MAPKAP1: variants seen among roughly 807,000 people sequenced by gnomAD.
The protein encoded by MAPKAP1 is MAPK associated protein 1, also known as target of rapamycin complex 2 subunit MAPKAP1.
In MAPKAP1, 20 loss-of-function variants were observed where a neutral mutation model predicts 65.7. That is an observed-to-expected ratio of 0.30 (90% CI 0.21 to 0.44). MAPKAP1 has a LOEUF of 0.44. Among genes scored for constraint, MAPKAP1 ranks in the 20% least tolerant of loss-of-function variants. The pLI is 1.00. For missense variants in MAPKAP1, 423 were observed against 648.0 expected (o/e 0.65, Z 3.77); for synonymous variants, 222 against 244.3 (o/e 0.91, Z 0.85).
intron 4 of MAPKAP1, among the ~76,000 whole-genome samples, chr9:125,609,364 A>G (rs1482392441): frequency 1.3e-5 from 2 of 152,224 alleles, no homozygotes; most frequent in Non-Finnish European, 2.9e-5. Context: ...CTAAATGAAC[A>G]GGACATATAC....
intron 4 of MAPKAP1, among the ~76,000 whole-genome samples, chr9:125,640,694 G>C (rs1209519414): frequency 6.6e-6 from 1 of 152,174 alleles, no homozygotes. Context: ...TTTAGCCTCA[G>C]AAAGGTAAGA....
intron 10 of MAPKAP1, among the ~76,000 whole-genome samples, chr9:125,457,479 A>G (rs1233809714): frequency 6.6e-6 from 1 of 151,780 alleles, no homozygotes; most frequent in Non-Finnish European, 1.5e-5. Context: ...TATTTTATTG[A>G]TTGATTGTTT....
At chr9:125,698,309 ATATAT>A (rs1426405163) in intron 1 of MAPKAP1, among the ~76,000 whole-genome samples, 17,639 of 77,174 alleles carry the variant, frequency 0.23, 2,191 homozygotes, top group Middle Eastern at 0.31. Flanking sequence ...ATATATATAT[ATATAT>A]ATATATATAT....
In MAPKAP1 at chr9:125,468,057, G is replaced by A; in HGVS notation, c.1260C>T (p.Ser420=). 6.2e-7 allele frequency: 1 copy of A among 1,614,170 alleles called. No homozygotes were observed. Residue 420 remains serine, a synonymous_variant, in exon 10 of 12, where the codon AGC becomes AGT. Coordinates refer to ENST00000265960, the MANE Select transcript of MAPKAP1 (RefSeq NM_001006617.3). ...GTTTCTGCTTAATCCAAAACTTAGTGCTGGCTTTCTGATTCGTAACAGGGT... is the reference window on the plus strand; with the variant it reads ...GTTTCTGCTTAATCCAAAACTTAGTACTGGCTTTCTGATTCGTAACAGGGT... ...EIDPVTNQKA[S]TKFWIKQKPI...
chr9:125,623,081 G>A (rs1184798390), intron 4 of MAPKAP1, among the ~76,000 whole-genome samples: 1 of 150,466 alleles, frequency 6.6e-6, no homozygotes, highest in Non-Finnish European at 1.5e-5. Context: ...TGCAGACGGA[G>A]TCTCGTTCAC....
At chr9:125,445,366 C>T (rs1852672386) in intron 10 of MAPKAP1, among the ~76,000 whole-genome samples, 1 of 152,142 alleles carries the variant, frequency 6.6e-6, no homozygotes. Flanking sequence ...CTCCCACCTG[C>T]CACACCAGCC....
rs535964100 is a variant in MAPKAP1 at position 125,589,629 on chromosome 9, A to C, written c.499-3902T>G. 3.3e-5 allele frequency among the ~76,000 whole-genome samples: 5 copies of C among 152,330 alleles called. No individual in the cohort carries two copies. The South Asian group carries it at 1.0e-3, about 32-fold the overall frequency. On this transcript the variant is annotated intron_variant, in intron 4 of 11. Coordinates refer to ENST00000265960, the MANE Select transcript of MAPKAP1 (RefSeq NM_001006617.3). Reference sequence around the variant, plus strand: ...TTAACTCTATAATTCTATCATTCTGAGGTGAAAAAGGTCAGTACAGGGAAA... The same window carrying C: ...TTAACTCTATAATTCTATCATTCTGCGGTGAAAAAGGTCAGTACAGGGAAA...
Position 125,439,879 on chromosome 9 carries a change from A to G in MAPKAP1, c.1444-867T>C, listed in dbSNP as rs1245499923. Among the ~76,000 whole-genome samples the G allele has an allele frequency of 1.3e-5, 2 of 152,246 alleles. No homozygotes were observed. The highest frequency in any genetic ancestry group is 2.1e-4 in the South Asian group (1 of 4,836). Reference sequence around the variant, plus strand: ...CTGCAGCAGGCAAAGAGGAGCATCAAGGAATGGGGCTGAGTATCAGGGAGG... The same window carrying G: ...CTGCAGCAGGCAAAGAGGAGCATCAGGGAATGGGGCTGAGTATCAGGGAGG... On this transcript the variant is annotated intron_variant, in intron 11 of 11. Transcript: ENST00000265960. The surrounding 1 kb of genome is among the most constrained non-coding windows in gnomAD (Gnocchi z 4.0).
intron 4 of MAPKAP1, among the ~76,000 whole-genome samples, chr9:125,618,762 G>A (rs1832815721): frequency 6.6e-6 from 1 of 152,140 alleles, no homozygotes; most frequent in Non-Finnish European, 1.5e-5. Flanking sequence ...ATTCTCATAA[G>A]CAATGCAGTA....
chr9:125,691,505 A>G (rs1835169925), intron 1 of MAPKAP1, among the ~76,000 whole-genome samples: 1 of 152,200 alleles, frequency 6.6e-6, no homozygotes, highest in Non-Finnish European at 1.5e-5. Flanking sequence ...CAAACCTGAG[A>G]GCCCAGGAGA....
At chr9:125,491,802 A>AC (rs1854744181) in intron 8 of MAPKAP1, among the ~76,000 whole-genome samples, 2 of 152,166 alleles carry the variant, frequency 1.3e-5, no homozygotes, top group Non-Finnish European at 2.9e-5. Flanking sequence ...ACAAAAAAAA[A>AC]CAAAAAAACA....
At chr9:125,604,934 C>A (rs1285518449) in intron 4 of MAPKAP1, among the ~76,000 whole-genome samples, 7 of 152,156 alleles carry the variant, frequency 4.6e-5, no homozygotes, top group African/African-American at 1.4e-4. Flanking sequence ...ACCAATTATC[C>A]CCGTTCCTAT....
chr9:125,583,050 T>C (rs1306067108), intron 5 of MAPKAP1, among the ~76,000 whole-genome samples: 2 of 152,242 alleles, frequency 1.3e-5, no homozygotes, highest in Non-Finnish European at 2.9e-5. Context: ...TAGCACACTC[T>C]GCCTGTTTCT....
At chr9:125,497,851 A>G (rs1828853305) in intron 8 of MAPKAP1, among the ~76,000 whole-genome samples, 1 of 152,196 alleles carries the variant, frequency 6.6e-6, no homozygotes, top group African/African-American at 2.4e-5. Flanking sequence ...TTCTCTCTTA[A>G]AGCTGTGGAA....
At chr9:125,582,666 T>C (rs1183985399) in intron 5 of MAPKAP1, among the ~76,000 whole-genome samples, 1 of 152,184 alleles carries the variant, frequency 6.6e-6, no homozygotes, top group Non-Finnish European at 1.5e-5. Context: ...AACACAACTT[T>C]AAATGAGCCA....
intron 3 of MAPKAP1, among the ~76,000 whole-genome samples, chr9:125,663,645 G>C (rs914139303): frequency 7.9e-5 from 12 of 152,114 alleles, no homozygotes; most frequent in African/African-American, 2.9e-4. Context: ...GAATGAATAA[G>C]TCTGGACCAG....
At chr9:125,623,843 C>T (rs1167347070) in intron 4 of MAPKAP1, among the ~76,000 whole-genome samples, 53 of 19,830 alleles carry the variant, frequency 2.7e-3, no homozygotes, top group East Asian at 9.5e-3. Context: ...CCGCCCCGTC[C>T]GGGAGGTGAG....
At chr9:125,636,407 T>A (rs1317510104) in intron 4 of MAPKAP1, among the ~76,000 whole-genome samples, 1 of 152,212 alleles carries the variant, frequency 6.6e-6, no homozygotes, top group Non-Finnish European at 1.5e-5. Flanking sequence ...CTAACGCATA[T>A]ATATCAAGAT....
intron 1 of MAPKAP1, among the ~76,000 whole-genome samples, chr9:125,678,956 C>A (rs1306477569): frequency 6.6e-6 from 1 of 151,994 alleles, no homozygotes; most frequent in African/African-American, 2.4e-5. Context: ...CACCACAGAG[C>A]CTCTCAAAAC....
Sources: allele counts gnomAD v4.1 joint callset (sites outside exome capture counted in the v4.1 genomes callset), GRCh38; gene constraint gnomAD v4.1.1; non-coding constraint Gnocchi (gnomAD v3.1); transcripts MANE v1.5; gene names NCBI Gene and HGNC (gene_info 2026-07-23, HGNC 2026-07-21).